ZNF804A: variants seen among roughly 807,000 people sequenced by gnomAD.
The protein encoded by ZNF804A is zinc finger protein 804A.
In ZNF804A, 2 loss-of-function variants were observed where a neutral mutation model predicts 16.5. The ratio of observed to expected loss-of-function variants is 0.12; its 90% CI spans 0.05 to 0.38. The LOEUF is 0.38. ZNF804A is among the 10% of genes least tolerant of loss of function. ZNF804A has a pLI of 0.99. For missense variants in ZNF804A, 1,473 were observed against 1,390.7 expected (o/e 1.06, Z -0.94); for synonymous variants, 534 against 489.6 (o/e 1.09, Z -1.20).
At chr2:184,715,381 T>A (rs554920840) in intron 1 of ZNF804A, among the ~76,000 whole-genome samples, 1 of 152,206 alleles carries the variant, frequency 6.6e-6, no homozygotes, top group South Asian at 2.1e-4. Context: ...ATAAAAGATA[T>A]AAGTGCAACA....
chr2:184,686,805 T>C (rs1330254971), intron 1 of ZNF804A, among the ~76,000 whole-genome samples: 1 of 152,230 alleles, frequency 6.6e-6, no homozygotes, highest in Non-Finnish European at 1.5e-5. Context: ...ATGTGGAATG[T>C]TTTGTCATAC....
chr2:184,875,585 A>G (rs1558989730), intron 2 of ZNF804A, among the ~76,000 whole-genome samples: 1 of 152,094 alleles, frequency 6.6e-6, no homozygotes. Context: ...TTCTTTATAA[A>G]TTACTGAGCT....
intron 2 of ZNF804A, among the ~76,000 whole-genome samples, chr2:184,889,328 C>T (rs556226791): frequency 6.2e-4 from 94 of 151,110 alleles, no homozygotes; most frequent in African/African-American, 2.0e-3. Context: ...ATAAAATGTA[C>T]GATAATCTAA....
chr2:184,698,626 A>G (rs1444952524), intron 1 of ZNF804A, among the ~76,000 whole-genome samples: 1 of 152,062 alleles, frequency 6.6e-6, no homozygotes, highest in Non-Finnish European at 1.5e-5. Context: ...GAGGGAATTT[A>G]TTACCACACA....
At chr2:184,704,893 G>A (rs370089523) in intron 1 of ZNF804A, among the ~76,000 whole-genome samples, 3 of 152,064 alleles carry the variant, frequency 2.0e-5, no homozygotes, top group African/African-American at 7.2e-5. Flanking sequence ...GACTCTGCTT[G>A]GACTGTTTCT....
chr2:184,867,113 T>C (rs995137381), intron 2 of ZNF804A, among the ~76,000 whole-genome samples: 25 of 151,982 alleles, frequency 1.6e-4, no homozygotes, highest in African/African-American at 6.0e-4. Flanking sequence ...TAATTATTAC[T>C]ATCAATTATA....
At chr2:184,690,393 A>G (rs776125522) in intron 1 of ZNF804A, among the ~76,000 whole-genome samples, 3 of 151,984 alleles carry the variant, frequency 2.0e-5, no homozygotes, top group Non-Finnish European at 1.5e-5. Context: ...CAAATCCTAC[A>G]TGCCTTGTAT....
chr2:184,613,704 A>G (rs771860594), intron 1 of ZNF804A, among the ~76,000 whole-genome samples: 60 of 152,214 alleles, frequency 3.9e-4, no homozygotes, highest in Non-Finnish European at 7.5e-4. Flanking sequence ...AGAGAATAAA[A>G]TACCTAGGAA....
At position 184,910,302 on chromosome 2, in the gene ZNF804A, T is replaced by C. The variant is rs578167738; in HGVS notation, c.256-23301T>C. On this transcript the variant is annotated intron_variant, in intron 2 of 3. Transcript: ENST00000302277. The stretch of plus-strand genomic sequence containing the variant: ...ATTCATGTTGCTGTAAAGGACATGA[T>C]TTTGTTCTTCTTTATGGCTGTATAG... Among the ~76,000 whole-genome samples, 3 of 152,076 alleles carry C rather than the reference T, an allele frequency of 2.0e-5. No individual in the cohort carries two copies. The East Asian group carries it at 5.8e-4, about 29-fold the overall frequency.
At chr2:184,762,984 T>A (rs1694063298) in intron 1 of ZNF804A, among the ~76,000 whole-genome samples, 1 of 152,218 alleles carries the variant, frequency 6.6e-6, no homozygotes, top group Admixed American at 6.5e-5. Context: ...CAAATGTTAT[T>A]TCTAGCCATT....
At chr2:184,606,856 T>TAC (rs920934493) in intron 1 of ZNF804A, among the ~76,000 whole-genome samples, 24 of 101,896 alleles carry the variant, frequency 2.4e-4, no homozygotes, top group East Asian at 7.9e-4. Flanking sequence ...CACACACACA[T>TAC]ACACACACAC....
intron 1 of ZNF804A, among the ~76,000 whole-genome samples, chr2:184,736,001 A>C (rs1482100802): frequency 1.3e-5 from 2 of 152,218 alleles, no homozygotes; most frequent in Admixed American, 1.3e-4. Context: ...ATGAAATATA[A>C]GTATCCTGAA....
At chr2:184,781,267 C>T (rs1694367137) in intron 1 of ZNF804A, among the ~76,000 whole-genome samples, 1 of 151,622 alleles carries the variant, frequency 6.6e-6, no homozygotes, top group African/African-American at 2.4e-5. Flanking sequence ...TTGCAATGGG[C>T]CAAGAAAAGC....
chr2:184,745,178 C>G (rs1339942680), intron 1 of ZNF804A, among the ~76,000 whole-genome samples: 1 of 151,628 alleles, frequency 6.6e-6, no homozygotes, highest in Non-Finnish European at 1.5e-5. Context: ...TGCACAATGC[C>G]CAGTATTTAC....
intron 1 of ZNF804A, among the ~76,000 whole-genome samples, chr2:184,703,809 C>T (rs1401885463): frequency 6.6e-6 from 1 of 150,832 alleles, no homozygotes; most frequent in East Asian, 1.9e-4. Context: ...AGATATGAGG[C>T]ACATTTAACT....
At chr2:184,742,883 A>G (rs1693730794) in intron 1 of ZNF804A, among the ~76,000 whole-genome samples, 1 of 151,972 alleles carries the variant, frequency 6.6e-6, no homozygotes, top group Non-Finnish European at 1.5e-5. Context: ...CAATCTGGTG[A>G]AAGTGAGCCA....
At chr2:184,657,568 C>A (rs1692100106) in intron 1 of ZNF804A, among the ~76,000 whole-genome samples, 1 of 152,154 alleles carries the variant, frequency 6.6e-6, no homozygotes, top group African/African-American at 2.4e-5. Flanking sequence ...CAGGATTTAT[C>A]ATCTGAGATT....
At chr2:184,683,567 A>G (rs1392380540) in intron 1 of ZNF804A, among the ~76,000 whole-genome samples, 1 of 152,116 alleles carries the variant, frequency 6.6e-6, no homozygotes, top group Non-Finnish European at 1.5e-5. Flanking sequence ...ATTTTGGGCT[A>G]TATCATTTTT....
At chr2:184,827,318 G>T (rs1314275736) in intron 1 of ZNF804A, among the ~76,000 whole-genome samples, 2 of 149,916 alleles carry the variant, frequency 1.3e-5, no homozygotes, top group African/African-American at 4.9e-5. Flanking sequence ...ATAGAAAGTA[G>T]GCCCCCACAC....
Sources: allele counts gnomAD v4.1 joint callset (sites outside exome capture counted in the v4.1 genomes callset), GRCh38; gene constraint gnomAD v4.1.1; transcripts MANE v1.5; gene names NCBI Gene and HGNC (gene_info 2026-07-23, HGNC 2026-07-21).